TDP1: variants seen among roughly 807,000 people sequenced by gnomAD.
TDP1 encodes tyr-DNA phosphodiesterase 1.
A neutral mutation model predicts 81.5 loss-of-function variants in TDP1; 64 were observed. That is an observed-to-expected ratio of 0.79 (90% CI 0.64 to 0.97). TDP1 has a LOEUF of 0.97. Ranked by LOEUF, TDP1 falls within the 50% of genes least tolerant of loss-of-function variation. TDP1 has a pLI of 0.00. For missense variants in TDP1, 723 were observed against 743.8 expected (o/e 0.97, Z 0.33); for synonymous variants, 256 against 264.3 (o/e 0.97, Z 0.30).
intron 4 of TDP1, among the ~76,000 whole-genome samples, chr14:89,966,433 A>G (rs1892958124): frequency 6.6e-6 from 1 of 152,230 alleles, no homozygotes; most frequent in Admixed American, 6.5e-5. Context: ...CCAAGAAGTC[A>G]CTTTGGACAT....
At chr14:90,009,423 T>C (rs1273891932) in intron 14 of TDP1, among the ~76,000 whole-genome samples, 2 of 152,236 alleles carry the variant, frequency 1.3e-5, no homozygotes, top group Non-Finnish European at 2.9e-5. Flanking sequence ...GTTTCAATTA[T>C]GCCAGGGGAT....
chr14:89,961,193 A>G (rs189073096), intron 2 of TDP1, among the ~76,000 whole-genome samples: 8 of 152,304 alleles, frequency 5.3e-5, no homozygotes, highest in Admixed American at 3.9e-4. Context: ...CATTTGAATG[A>G]ATTACAATTA....
intron 8 of TDP1, among the ~76,000 whole-genome samples, chr14:89,981,749 G>A (rs1366602766): frequency 6.6e-6 from 1 of 151,942 alleles, no homozygotes; most frequent in Non-Finnish European, 1.5e-5. Context: ...GCTGTGATGC[G>A]ATCACGGCTC....
At position 90,043,262 on chromosome 14, in the gene TDP1, C is replaced by A. The variant is rs1164495504; in HGVS notation, c.*119C>A. ...TTATTTGCACCCTTACAAAATCTTT[C>A]CAAAGGTCACTCTTATGAATGGATG... On this transcript the variant is annotated 3_prime_UTR_variant, in exon 17 of 17. Coordinates refer to ENST00000335725, the MANE Select transcript of TDP1 (RefSeq NM_018319.4). 2 of 1,206,736 alleles carry A rather than the reference C, an allele frequency of 1.7e-6. No individual in the cohort carries two copies. The highest frequency in any genetic ancestry group is 2.4e-6 in the Non-Finnish European group (2 of 829,536). 74.8% of individuals were successfully genotyped at this position (1,206,736 alleles called of 1,614,324 possible).
chr14:89,996,705 C>T (rs143617820), intron 14 of TDP1, among the ~76,000 whole-genome samples: 5 of 152,340 alleles, frequency 3.3e-5, no homozygotes, highest in African/African-American at 1.2e-4. Flanking sequence ...CTCAACTGCA[C>T]AGCAACTATG....
intron 12 of TDP1, 72 bp from the exon 13 acceptor site, chr14:89,991,845 A>G: frequency 1.4e-6 from 2 of 1,442,038 alleles, no homozygotes; most frequent in Non-Finnish European, 1.9e-6. Context: ...TGTTTATTGT[A>G]GATTTTCCTC....
chr14:89,958,930 A>G (rs1214380813), intron 2 of TDP1, among the ~76,000 whole-genome samples: 2 of 152,264 alleles, frequency 1.3e-5, no homozygotes, highest in Non-Finnish European at 2.9e-5. Flanking sequence ...TAACGTAGCC[A>G]TAAGATACCT....
At chr14:90,013,145 T>G (rs1340764570) in intron 14 of TDP1, among the ~76,000 whole-genome samples, 2 of 152,230 alleles carry the variant, frequency 1.3e-5, no homozygotes, top group African/African-American at 4.8e-5. Flanking sequence ...GTGTCTCAGA[T>G]GAGTCTTCAG....
intron 7 of TDP1, chr14:89,980,268 C>A: frequency 1.0e-6 from 1 of 985,322 alleles, no homozygotes; most frequent in Non-Finnish European, 1.2e-6. Flanking sequence ...TAATAAGGGG[C>A]CAGGCTGGAG....
At chr14:89,995,251 A>G (rs1896565686) in intron 14 of TDP1, among the ~76,000 whole-genome samples, 1 of 152,212 alleles carries the variant, frequency 6.6e-6, no homozygotes, top group Admixed American at 6.5e-5. Context: ...TGGGTGAGCA[A>G]TCATGTGTAT....
Position 89,988,956 on chromosome 14 carries a change from G to A in TDP1, c.1183G>A (p.Val395Ile), listed in dbSNP as rs746194774. The A allele has an allele frequency of 7.4e-6, 12 of 1,614,168 alleles. No homozygotes were observed. The highest frequency in any genetic ancestry group is 3.3e-5 in the Admixed American group (2 of 60,024). The change falls in exon 11 of 17, where the codon GTA becomes ATA. Residue 395 changes from valine to isoleucine, a missense_variant. Val to Ile is a conservative substitution (Grantham distance 29). Transcript: ENST00000335725. Reference protein sequence around the residue: ...SMPNAESWPVVGQFSSVGSLG... With the variant: ...SMPNAESWPVIGQFSSVGSLG... ...GCCTAACGCAGAGTCCTGGCCTGTCGTAGGTCAGTTTTCAAGCGTTGGCTC... is the reference window on the plus strand; with the variant it reads ...GCCTAACGCAGAGTCCTGGCCTGTCATAGGTCAGTTTTCAAGCGTTGGCTC...
At chr14:89,974,231 A>G (rs1270252076) in intron 6 of TDP1, among the ~76,000 whole-genome samples, 1 of 152,216 alleles carries the variant, frequency 6.6e-6, no homozygotes, top group East Asian at 1.9e-4. Context: ...GCCCAAAAAC[A>G]GCACCCAGTA....
At chr14:90,017,233 C>A (rs1885421486) in intron 14 of TDP1, among the ~76,000 whole-genome samples, 1 of 151,394 alleles carries the variant, frequency 6.6e-6, no homozygotes, top group Admixed American at 6.6e-5. Flanking sequence ...CACACACACT[C>A]CCCCCACCCT....
intron 13 of TDP1, 61 bp downstream of exon 13, chr14:89,992,044 C>T: frequency 1.4e-6 from 2 of 1,409,382 alleles, no homozygotes; most frequent in Non-Finnish European, 9.9e-7. Context: ...TTATTTATGT[C>T]ACTGGTTTGT....
chr14:89,999,035 T>A (rs2140164692), intron 14 of TDP1, among the ~76,000 whole-genome samples: 1 of 152,302 alleles, frequency 6.6e-6, no homozygotes, highest in South Asian at 2.1e-4. Context: ...TAAGATGTGG[T>A]TTTAAATAGT....
intron 12 of TDP1, 188 bp from the exon 13 acceptor site, chr14:89,991,729 A>G: frequency 2.2e-6 from 2 of 891,086 alleles, no homozygotes; most frequent in Non-Finnish European, 2.7e-6. Context: ...AAGGAAGGAA[A>G]CCTCGTTAAG....
Position 89,975,588 on chromosome 14 carries a change from T to TGG in TDP1, c.757-193_757-192insGG, listed in dbSNP as rs1566861139. On this transcript the variant is annotated intron_variant, in intron 6 of 16. Transcript: ENST00000335725. ...CTGGGTAACAAAATTTGTGTTTTTT[T>TGG]TTTTTTTTTTTTTAATGAGCGTCCC... The TGG allele has an allele frequency of 5.6e-6, 4 of 715,990 alleles. No individual in the cohort carries two copies. In the African/African-American group the frequency reaches 7.9e-5, roughly 14 times the overall value. 44.4% of individuals were successfully genotyped at this position (715,990 alleles called of 1,614,324 possible). A position where few individuals can be genotyped will look rare whatever the true frequency, so the allele number is the denominator to read the frequency against.
Position 90,002,354 on chromosome 14 carries a change from A to G in TDP1, c.1541+8871A>G, listed in dbSNP as rs573032313. The stretch of plus-strand genomic sequence containing the variant: ...TTGCCACTTAAATTTTGGAAAACGC[A>G]TTTATACCCTTGGCTTTTATCTCAT... On this transcript the variant is annotated intron_variant, in intron 14 of 16. Coordinates refer to ENST00000335725, the MANE Select transcript of TDP1 (RefSeq NM_018319.4). Among the ~76,000 whole-genome samples the G allele has an allele frequency of 2.0e-5, 3 of 152,318 alleles. No homozygotes were observed. The East Asian group carries it at 5.8e-4, about 29-fold the overall frequency.
intron 14 of TDP1, chr14:90,019,073 C>G: frequency 1.0e-6 from 1 of 984,810 alleles, no homozygotes. Context: ...ATTTTAATAG[C>G]TGCCCTCAGG....
Sources: allele counts gnomAD v4.1 joint callset (sites outside exome capture counted in the v4.1 genomes callset), GRCh38; gene constraint gnomAD v4.1.1; transcripts MANE v1.5; gene names NCBI Gene and HGNC (gene_info 2026-07-23, HGNC 2026-07-21).